ZFPM2: variants seen among roughly 807,000 people sequenced by gnomAD.
ZFPM2 encodes the protein zinc finger protein, FOG family member 2.
A neutral mutation model predicts 98.6 loss-of-function variants in ZFPM2; 20 were observed. That is an observed-to-expected ratio of 0.20 (90% CI 0.14 to 0.29). The LOEUF is 0.29. Ranked by LOEUF, ZFPM2 falls within the 10% of genes least tolerant of loss-of-function variation. The pLI, the probability that ZFPM2 is intolerant of heterozygous loss-of-function variation, is 1.00. For missense variants in ZFPM2, 1,310 were observed against 1,388.6 expected (o/e 0.94, Z 0.90); for synonymous variants, 518 against 502.7 (o/e 1.03, Z -0.41).
intron 5 of ZFPM2, among the ~76,000 whole-genome samples, chr8:105,641,781 C>T (rs1816952823): frequency 6.6e-6 from 1 of 152,080 alleles, no homozygotes; most frequent in Non-Finnish European, 1.5e-5. Context: ...ATATCAGCAT[C>T]ACTGTGAGTT....
chr8:105,716,052 G>T (rs1811516526), intron 5 of ZFPM2, among the ~76,000 whole-genome samples: 1 of 151,628 alleles, frequency 6.6e-6, no homozygotes. Context: ...AGAGATGCTG[G>T]CAGGAAAAAA....
chr8:105,637,660 C>G (rs1816873670), intron 5 of ZFPM2, among the ~76,000 whole-genome samples: 1 of 151,938 alleles, frequency 6.6e-6, no homozygotes. Context: ...GTGTCAATAC[C>G]TTAATATTCT....
At chr8:105,437,064 TTC>T (rs2130172495) in intron 2 of ZFPM2, among the ~76,000 whole-genome samples, 1 of 152,324 alleles carries the variant, frequency 6.6e-6, no homozygotes, top group African/African-American at 2.4e-5. Context: ...TTTATTTGCA[TTC>T]TTTCTTTAAG....
At chr8:105,332,420 A>AT in intron 1 of ZFPM2, among the ~76,000 whole-genome samples, 1 of 151,834 alleles carries the variant, frequency 6.6e-6, no homozygotes, top group Non-Finnish European at 1.5e-5. Flanking sequence ...TGAATGAAAA[A>AT]TTTTTTTAAA....
chr8:105,386,993 T>A (rs1014366647), intron 1 of ZFPM2, among the ~76,000 whole-genome samples: 6 of 152,142 alleles, frequency 3.9e-5, no homozygotes, highest in African/African-American at 1.4e-4. Flanking sequence ...TGCTGATTGG[T>A]GTATTTCCAA....
intron 3 of ZFPM2, among the ~76,000 whole-genome samples, chr8:105,452,764 CAACAA>C (rs879291086): frequency 2.9e-4 from 43 of 150,126 alleles, no homozygotes; most frequent in Non-Finnish European, 4.4e-4. Context: ...ACAACAACAA[CAACAA>C]AACAAAACAA....
intron 3 of ZFPM2, among the ~76,000 whole-genome samples, chr8:105,451,133 G>A (rs1331045500): frequency 6.6e-6 from 1 of 152,158 alleles, no homozygotes; most frequent in Non-Finnish European, 1.5e-5. Flanking sequence ...TATTTAGATA[G>A]TGGCTTGTTT....
intron 3 of ZFPM2, among the ~76,000 whole-genome samples, chr8:105,481,052 G>A (rs1813106844): frequency 6.6e-6 from 1 of 152,074 alleles, no homozygotes. Flanking sequence ...GCCTGGCTGG[G>A]ATTACATTTT....
At chr8:105,598,148 T>C (rs1816012691) in intron 4 of ZFPM2, among the ~76,000 whole-genome samples, 1 of 151,320 alleles carries the variant, frequency 6.6e-6, no homozygotes, top group African/African-American at 2.4e-5. Context: ...GTGAGCTGTG[T>C]TCTTCTGGTG....
Position 105,318,933 on chromosome 8 carries a change from G to T in ZFPM2, c.-9G>T. On this transcript the variant is annotated 5_prime_UTR_variant, in exon 1 of 8. Coordinates refer to ENST00000407775, the MANE Select transcript of ZFPM2 (RefSeq NM_012082.4). Reference sequence around the variant, plus strand: ...CGCGGGAGCCCCAGCGGCAGCAGCCGCCGCCGAGATGTCCCGGCGAAAGCA... The same window carrying T: ...CGCGGGAGCCCCAGCGGCAGCAGCCTCCGCCGAGATGTCCCGGCGAAAGCA... 7.0e-7 allele frequency: 1 copy of T among 1,427,552 alleles called. No individual in the cohort carries two copies. Among genetic ancestry groups the T allele is most frequent in the Non-Finnish European group, 9.3e-7 (1 of 1,076,862 alleles). The allele number at this position is 1,427,552 out of a possible 1,614,324, so 88.4% of individuals were successfully genotyped here.
chr8:105,405,681 G>T (rs1811436971), intron 1 of ZFPM2, among the ~76,000 whole-genome samples: 1 of 151,886 alleles, frequency 6.6e-6, no homozygotes, highest in Admixed American at 6.6e-5. Context: ...GTCTATCATT[G>T]TTGGACATTT....
At chr8:105,617,064 CCA>C (rs890769896) in intron 4 of ZFPM2, among the ~76,000 whole-genome samples, 1 of 69,182 alleles carries the variant, frequency 1.4e-5, no homozygotes, top group Non-Finnish European at 3.0e-5. Flanking sequence ...AAAAAAAGAT[CCA>C]CACCATAAAT....
rs371671422 is a variant in ZFPM2, at chr8:105,795,701, T to TTTAC, written c.740-3020_740-3017dup. The TTTAC allele has an allele frequency of 9.4e-4, 368 of 392,070 alleles. 1 individual carries two copies. Among genetic ancestry groups the TTTAC allele is most frequent in the African/African-American group, 7.3e-3 (328 of 45,184 alleles). 24.3% of individuals were successfully genotyped at this position (392,070 alleles called of 1,614,324 possible). On this transcript the variant is annotated intron_variant, in intron 6 of 7. Transcript: ENST00000407775. The stretch of plus-strand genomic sequence containing the variant: ...ACCCTGGCAAATTTACCTTTGTGAT[T>TTTAC]TTACTTCATAAAAAAGAAATTGAAC...
chr8:105,802,965 G>C lies in ZFPM2; in HGVS notation c.2883G>C (p.Leu961Phe), dbSNP rs1220095531. 1 of 1,612,694 alleles carries C rather than the reference G, an allele frequency of 6.2e-7. No homozygotes were observed. Among genetic ancestry groups the C allele is most frequent in the Non-Finnish European group, 8.5e-7 (1 of 1,179,378 alleles). Residue 961 changes from leucine to phenylalanine, a missense_variant, in exon 8 of 8, where the codon TTG becomes TTC. By Grantham distance (22) the Leu-to-Phe change is conservative. Coordinates refer to ENST00000407775, the MANE Select transcript of ZFPM2 (RefSeq NM_012082.4). ...CTACAAAAGAAGAAAACAGACATTT[G>C]TTTCTTCCACAATGCCTTTACCCTG... Reference protein sequence around the residue: ...LIATKEENRHLFLPQCLYPGA... With the variant: ...LIATKEENRHFFLPQCLYPGA...
At chr8:105,709,674 C>T (rs559251850) in intron 5 of ZFPM2, among the ~76,000 whole-genome samples, 23 of 151,990 alleles carry the variant, frequency 1.5e-4, no homozygotes, top group South Asian at 1.2e-3. Context: ...TCTTTGTACA[C>T]GAAGAACAGC....
intron 5 of ZFPM2, 102 bp from the exon 6 acceptor site, chr8:105,788,616 C>G: frequency 8.7e-7 from 1 of 1,145,286 alleles, no homozygotes; most frequent in Non-Finnish European, 1.3e-6. Flanking sequence ...CAGTAGAAAC[C>G]AGTGTGAAAA....
intron 4 of ZFPM2, among the ~76,000 whole-genome samples, chr8:105,588,405 T>G (rs1815771208): frequency 6.6e-6 from 1 of 152,128 alleles, no homozygotes; most frequent in African/African-American, 2.4e-5. Flanking sequence ...CTTCTTTTAA[T>G]ATTTTTTTTC....
intron 1 of ZFPM2, among the ~76,000 whole-genome samples, chr8:105,336,127 A>C (rs1455482642): frequency 6.6e-6 from 1 of 151,772 alleles, no homozygotes; most frequent in Non-Finnish European, 1.5e-5. Context: ...GTATTGTTAT[A>C]ATGTTTCAGA....
chr8:105,578,456 A>G (rs6987377), intron 4 of ZFPM2, among the ~76,000 whole-genome samples: 99,141 of 151,736 alleles, frequency 0.65, 33,071 homozygotes, highest in African/African-American at 0.81. Flanking sequence ...TGAACTGAAT[A>G]TCTTTTATCA....
Sources: gnomAD v4.1 joint callset for allele counts (sites outside exome capture counted in the v4.1 genomes callset) on GRCh38, gnomAD v4.1.1 for gene constraint, MANE v1.5 for transcripts, NCBI Gene and HGNC (gene_info 2026-07-23, HGNC 2026-07-21) for gene names.